EHBP1: variants seen among roughly 807,000 people sequenced by gnomAD.
EHBP1 encodes the protein EH domain binding protein 1.
A neutral mutation model predicts 144.0 loss-of-function variants in EHBP1; 55 were observed. That is an observed-to-expected ratio of 0.38 (90% confidence interval 0.31 to 0.48). The LOEUF is 0.48. Among genes scored for constraint, EHBP1 ranks in the 20% least tolerant of loss-of-function variants. The pLI, the probability that EHBP1 is intolerant of heterozygous loss-of-function variation, is 0.98. For synonymous variants in EHBP1, 469 were observed against 472.7 expected (o/e 0.99, Z 0.10); for missense variants, 1,200 against 1,364.2 (o/e 0.88, Z 1.90).
intron 13 of EHBP1, among the ~76,000 whole-genome samples, chr2:62,952,233 A>G (rs2057429261): frequency 6.6e-6 from 1 of 152,244 alleles, no homozygotes; most frequent in South Asian, 2.1e-4. Context: ...ATGTCTAACA[A>G]TAAACACTGT....
chr2:62,745,459 G>C (rs2039064449), intron 2 of EHBP1, among the ~76,000 whole-genome samples: 1 of 151,898 alleles, frequency 6.6e-6, no homozygotes, highest in Non-Finnish European at 1.5e-5. Flanking sequence ...TGATAAATTA[G>C]GGGTTTACTA....
chr2:62,894,696 G>A (rs779356565), intron 10 of EHBP1, among the ~76,000 whole-genome samples: 1 of 152,136 alleles, frequency 6.6e-6, no homozygotes, highest in Non-Finnish European at 1.5e-5. Context: ...ACTTTATTGT[G>A]TAGACAGTAG....
intron 14 of EHBP1, among the ~76,000 whole-genome samples, chr2:62,967,681 G>T (rs2058309154): frequency 1.3e-5 from 2 of 152,038 alleles, no homozygotes. Context: ...TCTCTGTATT[G>T]TTTCAGAAAT....
At chr2:62,921,507 C>T (rs149942658) in intron 10 of EHBP1, among the ~76,000 whole-genome samples, 95 of 148,932 alleles carry the variant, frequency 6.4e-4, no homozygotes, top group African/African-American at 1.8e-3. Context: ...AAAGAACATA[C>T]GCTAAAGGAA....
At chr2:62,867,776 T>C (rs2152823730) in intron 9 of EHBP1, among the ~76,000 whole-genome samples, 1 of 152,232 alleles carries the variant, frequency 6.6e-6, no homozygotes, top group Middle Eastern at 3.4e-3. Flanking sequence ...AAGAGCAAAA[T>C]TTGAGGATTT....
chr2:62,767,533 C>CA lies in EHBP1; in HGVS notation c.258+3178dup, dbSNP rs556692454. Among the ~76,000 whole-genome samples, 18 of 151,006 alleles carry CA rather than the reference C, an allele frequency of 1.2e-4. No homozygotes were observed. The South Asian group carries it at 3.8e-3, about 32-fold the overall frequency. On this transcript the variant is annotated intron_variant, in intron 4 of 22. Transcript: ENST00000431489. ...GCAACATGGTGAAACCCCATCTCTA[C>CA]AAAAAATACAAAAAAAACGGACCAG...
chr2:62,774,234 G>A (rs1457404252), intron 5 of EHBP1, among the ~76,000 whole-genome samples: 8 of 152,036 alleles, frequency 5.3e-5, no homozygotes, highest in Non-Finnish European at 4.4e-5. Flanking sequence ...AGCCAGGTAT[G>A]GTGGTGCATG....
intron 13 of EHBP1, among the ~76,000 whole-genome samples, chr2:62,951,491 C>G (rs1405247665): frequency 6.8e-6 from 1 of 146,980 alleles, no homozygotes; most frequent in Non-Finnish European, 1.5e-5. Flanking sequence ...CTTGATGACC[C>G]TAAATTGTCA....
At chr2:63,014,870 C>T (rs531198036) in intron 19 of EHBP1, among the ~76,000 whole-genome samples, 2 of 152,104 alleles carry the variant, frequency 1.3e-5, no homozygotes, top group East Asian at 1.9e-4. Flanking sequence ...CCCAGCTACT[C>T]GGGAGGCTGA....
intron 10 of EHBP1, among the ~76,000 whole-genome samples, chr2:62,926,939 A>G (rs2055563993): frequency 1.3e-5 from 2 of 152,148 alleles, no homozygotes; most frequent in East Asian, 3.8e-4. Context: ...GACTCAACCT[A>G]TTTGTCCAAA....
At chr2:62,788,998 A>G (rs1349933719) in intron 5 of EHBP1, among the ~76,000 whole-genome samples, 1 of 152,154 alleles carries the variant, frequency 6.6e-6, no homozygotes, top group African/African-American at 2.4e-5. Context: ...GTCCTGTGAA[A>G]ATGTCTTGTC....
At chr2:62,889,959 ATTTTT>A (rs1161025322) in intron 10 of EHBP1, among the ~76,000 whole-genome samples, 1 of 129,454 alleles carries the variant, frequency 7.7e-6, no homozygotes, top group Non-Finnish European at 1.7e-5. Flanking sequence ...TTCCATATGA[ATTTTT>A]TTTTTTTTTT....
chr2:62,901,490 T>C (rs1037108202), intron 10 of EHBP1, among the ~76,000 whole-genome samples: 3 of 152,064 alleles, frequency 2.0e-5, no homozygotes, highest in Non-Finnish European at 4.4e-5. Context: ...AATACGATAA[T>C]TTAGCTTCAT....
chr2:62,732,544 C>T (rs1196625677), intron 2 of EHBP1, among the ~76,000 whole-genome samples: 2 of 152,170 alleles, frequency 1.3e-5, no homozygotes, highest in East Asian at 3.9e-4. Flanking sequence ...CTCATGAGAT[C>T]TAGTTGTTTA....
At chr2:62,687,948 C>T (rs360789) in intron 1 of EHBP1, among the ~76,000 whole-genome samples, 23,759 of 152,064 alleles carry the variant, frequency 0.16, 2,133 homozygotes, top group Middle Eastern at 0.24. Context: ...TGGATAAGTA[C>T]ATTAACTATC....
At chr2:62,858,374 T>G (rs2049240022) in intron 7 of EHBP1, 1 of 1,446,564 alleles carries the variant, frequency 6.9e-7, no homozygotes, top group Non-Finnish European at 9.7e-7. Flanking sequence ...TGACCTTACC[T>G]TATATTTGTC....
chr2:62,990,383 G>A (rs1223113714), intron 15 of EHBP1, among the ~76,000 whole-genome samples: 3 of 151,994 alleles, frequency 2.0e-5, no homozygotes, highest in Admixed American at 2.0e-4. Context: ...TATCTAGTTT[G>A]TTATAACAGC....
chr2:62,852,600 T>C (rs942035672), intron 7 of EHBP1, among the ~76,000 whole-genome samples: 2 of 152,094 alleles, frequency 1.3e-5, no homozygotes, highest in Non-Finnish European at 2.9e-5. Flanking sequence ...TTAGCTGCTG[T>C]TGTTAATATT....
chr2:62,817,011 A>T (rs1256414217), intron 5 of EHBP1, among the ~76,000 whole-genome samples: 1 of 152,172 alleles, frequency 6.6e-6, no homozygotes, highest in East Asian at 1.9e-4. Context: ...TAGGAGAGGT[A>T]TTATAAAGGA....
Sources: gnomAD v4.1 joint callset for allele counts (sites outside exome capture counted in the v4.1 genomes callset) on GRCh38, gnomAD v4.1.1 for gene constraint, MANE v1.5 for transcripts, NCBI Gene and HGNC (gene_info 2026-07-23, HGNC 2026-07-21) for gene names.